CTTNBP2: variants seen among roughly 807,000 people sequenced by gnomAD.
CTTNBP2 encodes cortactin-binding protein 2.
In CTTNBP2, 108 loss-of-function variants were observed where a neutral mutation model predicts 156.9. The observed-to-expected ratio is 0.69, with a 90% CI of 0.59 to 0.81. The LOEUF is 0.81. Ranked by LOEUF, CTTNBP2 falls within the 30% of genes least tolerant of loss-of-function variation. CTTNBP2 has a pLI of 0.00. For synonymous variants in CTTNBP2, 767 were observed against 751.8 expected (o/e 1.02, Z -0.33); for missense variants, 1,924 against 2,035.4 (o/e 0.95, Z 1.05).
chr7:117,807,601 C>G (rs1301571263), intron 3 of CTTNBP2, among the ~76,000 whole-genome samples: 1 of 152,164 alleles, frequency 6.6e-6, no homozygotes, highest in Non-Finnish European at 1.5e-5. Flanking sequence ...TCCTGGTCTT[C>G]TGTGTAGTCT....
intron 2 of CTTNBP2, among the ~76,000 whole-genome samples, chr7:117,825,332 C>T (rs1801216035): frequency 6.6e-6 from 1 of 152,196 alleles, no homozygotes; most frequent in Non-Finnish European, 1.5e-5. Context: ...GTTGTTGCTT[C>T]TGTCTGAGTC....
At chr7:117,820,177 A>C (rs984488496) in intron 2 of CTTNBP2, among the ~76,000 whole-genome samples, 1 of 152,236 alleles carries the variant, frequency 6.6e-6, no homozygotes, top group Non-Finnish European at 1.5e-5. Context: ...CAAGTGCTGC[A>C]CTGTTCCACT....
chr7:117,753,805 T>C (rs996581941), intron 12 of CTTNBP2, among the ~76,000 whole-genome samples: 2 of 152,180 alleles, frequency 1.3e-5, no homozygotes, highest in African/African-American at 4.8e-5. Context: ...GAATATCTAA[T>C]GGATGCTGGG....
chr7:117,872,290 C>T (rs975869774), intron 1 of CTTNBP2: 1 of 152,546 alleles, frequency 6.6e-6, no homozygotes, highest in Admixed American at 6.5e-5. Context: ...CCCTCTCCTG[C>T]ACTGATTCTG....
intron 9 of CTTNBP2, among the ~76,000 whole-genome samples, chr7:117,766,079 A>C (rs148496889): frequency 1.1e-3 from 170 of 152,320 alleles, no homozygotes; most frequent in Non-Finnish European, 2.0e-3. Context: ...ATTAAATGAC[A>C]GCATTTACAT....
At chr7:117,799,102 T>G (rs554308687) in intron 3 of CTTNBP2, among the ~76,000 whole-genome samples, 102 of 150,100 alleles carry the variant, frequency 6.8e-4, no homozygotes, top group Non-Finnish European at 1.1e-3. Flanking sequence ...TAGAAAACAT[T>G]AAAGAAAAAA....
chr7:117,763,543 TTTCTTC>T (rs1021669079), intron 9 of CTTNBP2, among the ~76,000 whole-genome samples: 18 of 146,530 alleles, frequency 1.2e-4, no homozygotes, highest in Admixed American at 6.7e-4. Flanking sequence ...TTGTTTTCTT[TTTCTTC>T]TTCTTCTTTT....
At chr7:117,785,958 A>C (rs971232994) in intron 4 of CTTNBP2, among the ~76,000 whole-genome samples, 1 of 152,206 alleles carries the variant, frequency 6.6e-6, no homozygotes, top group African/African-American at 2.4e-5. Flanking sequence ...CAACAGATGG[A>C]TGTTTTATAC....
chr7:117,773,703 A>ACC (rs1562992540), intron 8 of CTTNBP2, among the ~76,000 whole-genome samples: 4 of 118,010 alleles, frequency 3.4e-5, no homozygotes, highest in Non-Finnish European at 6.9e-5. Flanking sequence ...ACACACACAC[A>ACC]CACACCCCAA....
At chr7:117,847,065 A>G (rs980733684) in intron 2 of CTTNBP2, among the ~76,000 whole-genome samples, 1 of 152,138 alleles carries the variant, frequency 6.6e-6, no homozygotes, top group Non-Finnish European at 1.5e-5. Flanking sequence ...GTCAATATTC[A>G]ACTCACCAAC....
chr7:117,839,569 T>C (rs1584525069), intron 2 of CTTNBP2, among the ~76,000 whole-genome samples: 1 of 152,238 alleles, frequency 6.6e-6, no homozygotes, highest in Non-Finnish European at 1.5e-5. Flanking sequence ...CAGGTACTTT[T>C]TGTTAATTGA....
In CTTNBP2 at chr7:117,711,402, A is replaced by T. The variant is rs1343158185; in HGVS notation, c.*135T>A. The T allele has an allele frequency of 2.6e-5, 25 of 951,972 alleles. No homozygotes were observed. The highest frequency in any genetic ancestry group is 2.2e-5 in the Non-Finnish European group (15 of 675,354). 59.0% of individuals were successfully genotyped at this position (951,972 alleles called of 1,614,324 possible). On this transcript the variant is annotated 3_prime_UTR_variant, in exon 23 of 23. Transcript: ENST00000160373. ...ATAAATACATTCTTTACAAAAAAAAATTGAATAGTGGTCCCGCACTCATAA... is the reference window on the plus strand; with the variant it reads ...ATAAATACATTCTTTACAAAAAAAATTTGAATAGTGGTCCCGCACTCATAA...
intron 2 of CTTNBP2, among the ~76,000 whole-genome samples, chr7:117,833,089 C>T (rs1801720823): frequency 6.6e-6 from 1 of 152,068 alleles, no homozygotes; most frequent in African/African-American, 2.4e-5. Flanking sequence ...ATACATCAAG[C>T]CACTATCTCC....
At chr7:117,767,228 T>G (rs1400247525) in intron 8 of CTTNBP2, 52 bp from the exon 9 acceptor site, 2 of 1,007,146 alleles carry the variant, frequency 2.0e-6, no homozygotes, top group Non-Finnish European at 3.2e-6. Flanking sequence ...TTAACTTGAA[T>G]GCAAAACCCA....
chr7:117,786,725 T>G (rs1798722114), intron 4 of CTTNBP2, among the ~76,000 whole-genome samples: 1 of 152,210 alleles, frequency 6.6e-6, no homozygotes, highest in Non-Finnish European at 1.5e-5. Context: ...TTTGTTTACA[T>G]TTTTCTTTTT....
chr7:117,764,779 C>T (rs945309423), intron 9 of CTTNBP2, among the ~76,000 whole-genome samples: 3 of 152,160 alleles, frequency 2.0e-5, no homozygotes, highest in African/African-American at 7.2e-5. Flanking sequence ...TAGTATTACA[C>T]ACAATGCTGC....
At chr7:117,783,016 C>A (rs1372973846) in intron 5 of CTTNBP2, 55 bp from the exon 6 acceptor site, 2 of 1,258,946 alleles carry the variant, frequency 1.6e-6, no homozygotes, top group South Asian at 1.2e-5. Flanking sequence ...TATGATGTGC[C>A]AAATTCTATA....
rs567034761 is a variant in CTTNBP2, at chr7:117,792,593, C to T, written c.603G>A (p.Glu201=). Residue 201 remains glutamate, a synonymous_variant, in exon 4 of 23, where the codon GAG becomes GAA. Transcript: ENST00000160373. This position sits in a 1 kb window ranked among gnomAD's most constrained non-coding sequence, Gnocchi z 4.2. The stretch of plus-strand genomic sequence containing the variant: ...CTAATTCATTCGTCTTTTTCTTTTC[C>T]TCTTCCAGTTTGGCCATTACGTCTT... The part of the protein sequence containing the change: ...KLEDVMAKLE[E]EKKKTNELEE... The T allele has an allele frequency of 3.1e-6, 5 of 1,614,070 alleles. No individual in the cohort carries two copies. Among genetic ancestry groups the T allele is most frequent in the African/African-American group, 1.3e-5 (1 of 75,004 alleles).
chr7:117,801,037 T>C (rs758054010), intron 3 of CTTNBP2, among the ~76,000 whole-genome samples: 3 of 152,078 alleles, frequency 2.0e-5, no homozygotes, highest in Non-Finnish European at 2.9e-5. Flanking sequence ...CGGGGACAGA[T>C]AGTGATGGTA....
Sources: allele counts gnomAD v4.1 joint callset (sites outside exome capture counted in the v4.1 genomes callset), GRCh38; gene constraint gnomAD v4.1.1; non-coding constraint Gnocchi (gnomAD v3.1); transcripts MANE v1.5; gene names NCBI Gene and HGNC (gene_info 2026-07-23, HGNC 2026-07-21).